Variants in PELI1 observed in about 807,000 individuals in gnomAD.
The protein encoded by PELI1 is E3 ubiquitin-protein ligase pellino homolog 1.
A neutral mutation model predicts 41.3 loss-of-function variants in PELI1; 15 were observed. The ratio of observed to expected loss-of-function variants is 0.36; its 90% CI spans 0.24 to 0.56. PELI1 has a LOEUF of 0.56. Ranked by LOEUF, PELI1 falls within the 20% of genes least tolerant of loss-of-function variation. The probability of loss-of-function intolerance (pLI) is 0.82; values close to 1 mark genes in which losing one functional copy is unlikely to be tolerated. For missense variants in PELI1, 403 were observed against 525.5 expected (o/e 0.77, Z 2.28); for synonymous variants, 178 against 180.1 (o/e 0.99, Z 0.09).
chr2:64,096,602 C>T lies in PELI1; in HGVS notation c.312G>A (p.Arg104=), dbSNP rs764286000. The change falls in exon 5 of 7, where the codon CGG becomes CGA. Residue 104 remains arginine, a synonymous_variant. Coordinates refer to ENST00000358912, the MANE Select transcript of PELI1 (RefSeq NM_020651.4). ...CAAAATCAATGGGGCTTTCAGTCGA[C>T]CGGCCAATCTGAGGGAAAAAAAAAA... ...DSNTDMFQIG[R]STESPIDFVV... 7.5e-6 allele frequency: 12 copies of T among 1,608,148 alleles called. No individual in the cohort carries two copies. In the South Asian group the frequency reaches 1.2e-4, roughly 16 times the overall value.
At chr2:64,109,807 C>G (rs1372240879) in intron 1 of PELI1, among the ~76,000 whole-genome samples, 1 of 152,174 alleles carries the variant, frequency 6.6e-6, no homozygotes, top group East Asian at 1.9e-4. Context: ...GTGGAAATTA[C>G]TCGATCTGAA....
Position 64,096,488 on chromosome 2 carries a change from T to C in PELI1, c.426A>G (p.Ile142Met). The C allele has an allele frequency of 1.9e-6, 3 of 1,613,418 alleles. No individual in the cohort carries two copies. Among genetic ancestry groups the C allele is most frequent in the Non-Finnish European group, 2.5e-6 (3 of 1,179,326 alleles). Residue 142 changes from isoleucine to methionine, a missense_variant, in exon 5 of 7, where the codon ATA becomes ATG. Physicochemically the swap from Ile to Met is conservative, Grantham distance 10. Transcript: ENST00000358912. ...STISRFACRI[I>M]CERNPPFTAR... ...CTGTAAAGGGAGGATTCCGTTCACA[T>C]ATGATTCTGCAGGCAAATCTTGATA...
At chr2:64,103,619 C>A (rs1680520448) in intron 3 of PELI1, among the ~76,000 whole-genome samples, 1 of 152,188 alleles carries the variant, frequency 6.6e-6, no homozygotes, top group East Asian at 1.9e-4. Flanking sequence ...CACCAACTGG[C>A]TCCCAAATAG....
chr2:64,137,484 T>C (rs1681754686), intron 1 of PELI1, among the ~76,000 whole-genome samples: 1 of 149,794 alleles, frequency 6.7e-6, no homozygotes, highest in South Asian at 2.1e-4. Flanking sequence ...TGATCTTGTA[T>C]GTGTGTGTGT....
At chr2:64,137,866 CAAA>C (rs869047579) in intron 1 of PELI1, among the ~76,000 whole-genome samples, 4 of 151,596 alleles carry the variant, frequency 2.6e-5, no homozygotes, top group African/African-American at 9.7e-5. Context: ...GCTTAGACGA[CAAA>C]AAAAATTTTT....
intron 1 of PELI1, among the ~76,000 whole-genome samples, chr2:64,124,181 C>T (rs72893140): frequency 6.6e-6 from 1 of 152,120 alleles, no homozygotes; most frequent in Admixed American, 6.6e-5. Flanking sequence ...TAGCTAAAGG[C>T]TATGACATGA....
At chr2:64,141,114 TTA>T in intron 1 of PELI1, among the ~76,000 whole-genome samples, 1 of 152,194 alleles carries the variant, frequency 6.6e-6, no homozygotes, top group Non-Finnish European at 1.5e-5. Context: ...AATTCACTGT[TTA>T]TAGACTTCAA....
intron 4 of PELI1, among the ~76,000 whole-genome samples, chr2:64,099,728 C>A (rs561538046): frequency 3.3e-5 from 5 of 152,248 alleles, no homozygotes; most frequent in African/African-American, 1.2e-4. Context: ...TTTTAAAAAG[C>A]CTAAGCTTCA....
intron 1 of PELI1, among the ~76,000 whole-genome samples, chr2:64,109,557 G>A (rs1424415808): frequency 1.3e-5 from 2 of 152,134 alleles, no homozygotes; most frequent in African/African-American, 4.8e-5. Flanking sequence ...GCACATGCCT[G>A]TAATCCCAGC....
chr2:64,108,154 TC>T, intron 2 of PELI1, 85 bp downstream of exon 2: 1 of 722,478 alleles, frequency 1.4e-6, no homozygotes, highest in Non-Finnish European at 2.4e-6. Context: ...AGATATAAAT[TC>T]CAAAAAAAAA....
At chr2:64,096,911 C>A (rs1230737110) in intron 4 of PELI1, among the ~76,000 whole-genome samples, 1 of 152,056 alleles carries the variant, frequency 6.6e-6, no homozygotes, top group South Asian at 2.1e-4. Context: ...TAATTTTAAC[C>A]CTTTTGGATG....
chr2:64,109,088 T>A (rs561537438), intron 1 of PELI1, among the ~76,000 whole-genome samples: 17 of 152,320 alleles, frequency 1.1e-4, no homozygotes, highest in African/African-American at 3.1e-4. Context: ...ACTTTCACCC[T>A]GATGGCCGGG....
At chr2:64,121,441 C>T (rs1576091481) in intron 1 of PELI1, among the ~76,000 whole-genome samples, 2 of 152,054 alleles carry the variant, frequency 1.3e-5, no homozygotes, top group African/African-American at 4.8e-5. Context: ...ATCAATAGTC[C>T]TTATATCATC....
intron 2 of PELI1, among the ~76,000 whole-genome samples, chr2:64,107,981 C>T (rs1322356083): frequency 6.6e-6 from 1 of 152,096 alleles, no homozygotes; most frequent in African/African-American, 2.4e-5. Context: ...CCCGGACTTT[C>T]CATTTCATCT....
chr2:64,105,978 C>T (rs901600516), intron 2 of PELI1, among the ~76,000 whole-genome samples: 2 of 152,294 alleles, frequency 1.3e-5, no homozygotes, highest in East Asian at 1.9e-4. Flanking sequence ...AGAGAGTTTA[C>T]TCAATGACTG....
chr2:64,109,596 C>T (rs1680737698), intron 1 of PELI1, among the ~76,000 whole-genome samples: 1 of 152,198 alleles, frequency 6.6e-6, no homozygotes, highest in African/African-American at 2.4e-5. Flanking sequence ...AGGAGAACCA[C>T]TTGAACCCGG....
chr2:64,121,541 T>C (rs1408343348), intron 1 of PELI1, among the ~76,000 whole-genome samples: 3 of 152,028 alleles, frequency 2.0e-5, no homozygotes, highest in Admixed American at 2.0e-4. Flanking sequence ...AATAATCTCT[T>C]GAGGAAATAT....
At chr2:64,123,169 T>C (rs1218116064) in intron 1 of PELI1, among the ~76,000 whole-genome samples, 2 of 152,184 alleles carry the variant, frequency 1.3e-5, no homozygotes, top group African/African-American at 4.8e-5. Context: ...CTTTTCTATA[T>C]GTTGTTATAA....
Position 64,093,324 on chromosome 2 carries a change from G to A in PELI1, c.*1378C>T, listed in dbSNP as rs1224746585. ...TATTATACAACTTTTCAAACTAAAG[G>A]AAAACAAATCAAAATATTAAAAGAA... On this transcript the variant is annotated 3_prime_UTR_variant, in exon 7 of 7. Transcript: ENST00000358912. The A allele has an allele frequency of 1.3e-5, 2 of 152,484 alleles. No individual in the cohort carries two copies. The highest frequency in any genetic ancestry group is 4.8e-5 in the African/African-American group (2 of 41,412). 9.4% of individuals were successfully genotyped at this position (152,484 alleles called of 1,614,324 possible).
Sources: allele counts gnomAD v4.1 joint callset (sites outside exome capture counted in the v4.1 genomes callset), GRCh38; gene constraint gnomAD v4.1.1; transcripts MANE v1.5; gene names NCBI Gene and HGNC (gene_info 2026-07-23, HGNC 2026-07-21).